ENAH: variants seen among roughly 807,000 people sequenced by gnomAD.
ENAH encodes the protein protein enabled homolog.
In ENAH, 23 loss-of-function variants were observed where a neutral mutation model predicts 78.7. That is an observed-to-expected ratio of 0.29 (90% confidence interval 0.21 to 0.41). ENAH has a LOEUF of 0.41. Ranked by LOEUF, ENAH falls within the 10% of genes least tolerant of loss-of-function variation. The probability of loss-of-function intolerance (pLI) is 1.00; values close to 1 mark genes in which losing one functional copy is unlikely to be tolerated. For synonymous variants in ENAH, 226 were observed against 241.0 expected (o/e 0.94, Z 0.58); for missense variants, 544 against 691.0 (o/e 0.79, Z 2.39).
At chr1:225,537,671 C>CCA (rs2096568384) in intron 3 of ENAH, among the ~76,000 whole-genome samples, 2 of 151,772 alleles carry the variant, frequency 1.3e-5, no homozygotes, top group South Asian at 4.2e-4. Flanking sequence ...GTTACATAAA[C>CCA]CTTACGTTTT....
chr1:225,649,257 T>C (rs888679981), intron 1 of ENAH, among the ~76,000 whole-genome samples: 1 of 152,158 alleles, frequency 6.6e-6, no homozygotes. Context: ...TACCTTTTTA[T>C]ATGAGAAAGT....
intron 1 of ENAH, among the ~76,000 whole-genome samples, chr1:225,609,136 A>C (rs2096973770): frequency 6.6e-6 from 1 of 152,144 alleles, no homozygotes; most frequent in African/African-American, 2.4e-5. Flanking sequence ...AAGCAAGCCA[A>C]GAAGGCAATC....
intron 1 of ENAH, among the ~76,000 whole-genome samples, chr1:225,640,495 A>G (rs1469902088): frequency 1.3e-5 from 2 of 152,260 alleles, no homozygotes; most frequent in Non-Finnish European, 2.9e-5. Context: ...TCACTCACAC[A>G]TTAACATTTG....
At chr1:225,515,645 CAG>C (rs1341433518) in intron 6 of ENAH, among the ~76,000 whole-genome samples, 1 of 151,786 alleles carries the variant, frequency 6.6e-6, no homozygotes, top group Non-Finnish European at 1.5e-5. Flanking sequence ...TATTTAATAA[CAG>C]AATCCTGAAA....
intron 4 of ENAH, chr1:225,524,661 T>G: frequency 1.2e-6 from 1 of 832,912 alleles, no homozygotes; most frequent in Non-Finnish European, 1.3e-6. Context: ...GGCTATACAC[T>G]CTCATTGTTC....
chr1:225,541,216 CGT>C (rs2096586733), intron 3 of ENAH, among the ~76,000 whole-genome samples: 1 of 152,142 alleles, frequency 6.6e-6, no homozygotes, highest in Admixed American at 6.5e-5. Flanking sequence ...GTGCGGATCA[CGT>C]GGTCAGGAGA....
chr1:225,563,914 A>T (rs2096721335), intron 2 of ENAH, among the ~76,000 whole-genome samples: 1 of 152,098 alleles, frequency 6.6e-6, no homozygotes, highest in African/African-American at 2.4e-5. Flanking sequence ...TTTACTATTT[A>T]TTTATTTCAT....
chr1:225,543,781 T>G lies in ENAH; in HGVS notation c.349+11125A>C, dbSNP rs77907643. 4.8e-3 allele frequency among the ~76,000 whole-genome samples: 726 copies of G among 152,344 alleles called. 5 individuals are homozygous for G. The highest frequency in any genetic ancestry group is 0.016 in the African/African-American group (671 of 41,568). ...ACAGCATCTACCCCTTAGGAATTTTTTATGTATTAATGAAATAATGTCACA... is the reference window on the plus strand; with the variant it reads ...ACAGCATCTACCCCTTAGGAATTTTGTATGTATTAATGAAATAATGTCACA... On this transcript the variant is annotated intron_variant, in intron 3 of 13. Coordinates refer to ENST00000366843, the MANE Select transcript of ENAH (RefSeq NM_018212.6).
At chr1:225,551,072 A>C (rs1357133503) in intron 3 of ENAH, among the ~76,000 whole-genome samples, 1 of 152,194 alleles carries the variant, frequency 6.6e-6, no homozygotes, top group Non-Finnish European at 1.5e-5. Flanking sequence ...CAAAAATATC[A>C]CTTTAGGTAA....
chr1:225,546,797 T>C (rs554581657), intron 3 of ENAH, among the ~76,000 whole-genome samples: 41 of 152,346 alleles, frequency 2.7e-4, no homozygotes, highest in African/African-American at 9.6e-4. Context: ...ACTGTATTTA[T>C]CATTAATCTT....
In ENAH at chr1:225,652,723, C is replaced by G; in HGVS notation, c.-33G>C. 1 of 1,314,402 alleles carries G rather than the reference C, an allele frequency of 7.6e-7. No individual in the cohort carries two copies. The highest frequency in any genetic ancestry group is 9.7e-7 in the Non-Finnish European group (1 of 1,033,500). 81.4% of individuals were successfully genotyped at this position (1,314,402 alleles called of 1,614,324 possible). On this transcript the variant is annotated 5_prime_UTR_variant, in exon 1 of 14. Transcript: ENST00000366843. ...GCGGCGCAGAGGCTTCCCCACCAGCCGGGAGACGCAGAAGGCGCCGAGCCG... is the reference window on the plus strand; with the variant it reads ...GCGGCGCAGAGGCTTCCCCACCAGCGGGGAGACGCAGAAGGCGCCGAGCCG...
chr1:225,651,198 T>A (rs887990296), intron 1 of ENAH, among the ~76,000 whole-genome samples: 1 of 152,046 alleles, frequency 6.6e-6, no homozygotes, highest in African/African-American at 2.4e-5. Flanking sequence ...AAATAACTTG[T>A]GTGAAATCAT....
intron 2 of ENAH, among the ~76,000 whole-genome samples, chr1:225,557,314 C>A (rs1414130164): frequency 2.0e-5 from 3 of 151,972 alleles, no homozygotes; most frequent in African/African-American, 4.8e-5. Context: ...TTCTAATATT[C>A]CTAATAATTT....
intron 11 of ENAH, among the ~76,000 whole-genome samples, chr1:225,506,036 T>C (rs1449396909): frequency 1.3e-5 from 2 of 152,212 alleles, no homozygotes; most frequent in Non-Finnish European, 2.9e-5. Flanking sequence ...TAAAAAAATC[T>C]TTCAAAGAAC....
At chr1:225,593,406 GGGGGGGGGGGGT>G (rs1558874034) in intron 1 of ENAH, among the ~76,000 whole-genome samples, 1 of 106,414 alleles carries the variant, frequency 9.4e-6, no homozygotes, top group Non-Finnish European at 1.9e-5. Flanking sequence ...TGTGTGGGGG[GGGGGGGGGGGGT>G]GGGGGGTGCC....
chr1:225,593,173 A>G (rs981022205), intron 1 of ENAH, among the ~76,000 whole-genome samples: 3 of 152,140 alleles, frequency 2.0e-5, no homozygotes, highest in Non-Finnish European at 4.4e-5. Context: ...CACACAGACT[A>G]AAGACGTCTA....
At chr1:225,633,209 A>AT (rs75430674) in intron 1 of ENAH, among the ~76,000 whole-genome samples, 2,387 of 142,382 alleles carry the variant, frequency 0.017, 37 homozygotes, top group African/African-American at 0.045. Flanking sequence ...CACCTGGCTA[A>AT]TTTTTTTTTT....
At chr1:225,653,167 G>C (rs1271219562), upstream of ENAH, 1 of 151,008 alleles carries the variant, frequency 6.6e-6, no homozygotes, top group African/African-American at 2.4e-5. The surrounding 1 kb of genome is among the most constrained non-coding windows in gnomAD (Gnocchi z 4.3). Context: ...GCGCGCGGCG[G>C]AGGAACACGC....
intron 3 of ENAH, among the ~76,000 whole-genome samples, chr1:225,540,299 A>T (rs893657459): frequency 6.6e-6 from 1 of 152,212 alleles, no homozygotes; most frequent in South Asian, 2.1e-4. Flanking sequence ...ACCTCACATC[A>T]TTTTAAGGAA....
Sources: gnomAD v4.1 joint callset for allele counts (sites outside exome capture counted in the v4.1 genomes callset) on GRCh38, gnomAD v4.1.1 for gene constraint, Gnocchi (gnomAD v3.1) non-coding constraint, MANE v1.5 for transcripts, NCBI Gene and HGNC (gene_info 2026-07-23, HGNC 2026-07-21) for gene names.